Variants in NBAS observed in about 807,000 individuals in gnomAD.
The protein encoded by NBAS is NBAS subunit of NRZ tethering complex.
A neutral mutation model predicts 302.5 loss-of-function variants in NBAS; 219 were observed. The ratio of observed to expected loss-of-function variants is 0.72; its 90% CI spans 0.65 to 0.81. The LOEUF (loss-of-function observed/expected upper bound fraction) is 0.81, where lower values mean the gene tolerates loss of function less well. NBAS is among the 30% of genes least tolerant of loss of function. NBAS has a pLI of 0.00. For missense variants in NBAS, 2,932 were observed against 2,841.6 expected (o/e 1.03, Z -0.72); for synonymous variants, 1,118 against 1,021.6 (o/e 1.09, Z -1.80).
At chr2:15,278,970 A>G (rs1359113847) in intron 42 of NBAS, among the ~76,000 whole-genome samples, 1 of 152,200 alleles carries the variant, frequency 6.6e-6, no homozygotes, top group Non-Finnish European at 1.5e-5. Flanking sequence ...CAGAAAATAT[A>G]CTTGATAATA....
At position 15,498,929 on chromosome 2, in the gene NBAS, CT is replaced by C. The variant is rs374067971; in HGVS notation, c.954+5215del. Reference sequence around the variant, plus strand: ...TAAATTACCCAGTCTCAGGGAGTTACTTTTTTTTTTTTTTTTTTGAGACAGT... The same window carrying C: ...TAAATTACCCAGTCTCAGGGAGTTACTTTTTTTTTTTTTTTTTGAGACAGT... On this transcript the variant is annotated intron_variant, in intron 11 of 51. Coordinates refer to ENST00000281513, the MANE Select transcript of NBAS (RefSeq NM_015909.4). Among the ~76,000 whole-genome samples the C allele has an allele frequency of 5.8e-3, 773 of 133,450 alleles. 6 individuals are homozygous for C. The highest frequency in any genetic ancestry group is 7.5e-3 in the South Asian group (31 of 4,150). 87.5% of individuals were successfully genotyped at this position (133,450 alleles called of 152,430 possible).
At chr2:15,463,133 G>A (rs1022776586) in intron 19 of NBAS, among the ~76,000 whole-genome samples, 113 of 152,084 alleles carry the variant, frequency 7.4e-4, no homozygotes, top group Admixed American at 7.4e-3. Flanking sequence ...AATTAGCTGG[G>A]CATGGTGCCA....
the NBAS span, among the ~76,000 whole-genome samples, chr2:14,911,752 A>G: frequency 6.6e-6 from 1 of 152,232 alleles, no homozygotes; most frequent in Non-Finnish European, 1.5e-5. Flanking sequence ...TAGCCAGACT[A>G]TCTGGCTCAA....
intron 44 of NBAS, among the ~76,000 whole-genome samples, chr2:15,239,145 C>A (rs1333067838): frequency 6.6e-6 from 1 of 151,826 alleles, no homozygotes; most frequent in Non-Finnish European, 1.5e-5. Context: ...AAATTACAGG[C>A]TGGAATATTA....
At chr2:15,016,160 C>T in the NBAS span, among the ~76,000 whole-genome samples, 2 of 152,020 alleles carry the variant, frequency 1.3e-5, no homozygotes, top group Non-Finnish European at 2.9e-5. Context: ...GCTGGGGAGG[C>T]CTCATAATCA....
the NBAS span, among the ~76,000 whole-genome samples, chr2:15,021,880 C>T: frequency 2.0e-5 from 3 of 152,180 alleles, no homozygotes; most frequent in Non-Finnish European, 4.4e-5. Context: ...GTCTAAGTCT[C>T]GGTTTAGTCA....
At chr2:15,371,281 T>C (rs748382071) in intron 31 of NBAS, among the ~76,000 whole-genome samples, 46 of 152,092 alleles carry the variant, frequency 3.0e-4, no homozygotes, top group Non-Finnish European at 5.1e-4. Flanking sequence ...TGTGAGTCAA[T>C]TAAACCTCTT....
chr2:14,854,102 AG>A, the NBAS span, among the ~76,000 whole-genome samples: 1 of 151,400 alleles, frequency 6.6e-6, no homozygotes, highest in Admixed American at 6.6e-5. Flanking sequence ...AAAAAAAAGA[AG>A]AAAATTGAAA....
intron 40 of NBAS, among the ~76,000 whole-genome samples, chr2:15,297,229 C>T (rs1670589641): frequency 6.6e-6 from 1 of 152,140 alleles, no homozygotes; most frequent in Non-Finnish European, 1.5e-5. Flanking sequence ...TGCTATGACT[C>T]CCATGCATAA....
rs113990380 is a variant in NBAS, at chr2:15,474,549, T to TCTTC, written c.1342-226_1342-225insGAAG. Among the ~76,000 whole-genome samples the TCTTC allele has an allele frequency of 6.1e-5, 9 of 147,846 alleles. 1 individual carries two copies. In the South Asian group the frequency reaches 1.3e-3, roughly 22 times the overall value. ...TCAAATCTAAACTAAAGCCTGTTTT[T>TCTTC]TTCTTCTTCTTCTTCTTCTTCTTCT... On this transcript the variant is annotated intron_variant, in intron 14 of 51. Coordinates refer to ENST00000281513, the MANE Select transcript of NBAS (RefSeq NM_015909.4).
chr2:15,409,531 A>G (rs1040039749), intron 25 of NBAS, among the ~76,000 whole-genome samples: 2 of 152,172 alleles, frequency 1.3e-5, no homozygotes, highest in African/African-American at 4.8e-5. Context: ...CAATTCTTTA[A>G]TTGTAGCCAA....
At chr2:15,005,264 C>A in the NBAS span, among the ~76,000 whole-genome samples, 6 of 152,136 alleles carry the variant, frequency 3.9e-5, no homozygotes, top group East Asian at 1.2e-3. Flanking sequence ...AACTGTACAC[C>A]TGTTGACTAG....
At chr2:15,083,214 C>T in the NBAS span, among the ~76,000 whole-genome samples, 7 of 152,208 alleles carry the variant, frequency 4.6e-5, no homozygotes, top group Non-Finnish European at 1.0e-4. Flanking sequence ...TTCAATACCC[C>T]ATTATCCTGG....
chr2:15,345,497 AAG>A (rs1448531158), intron 35 of NBAS, among the ~76,000 whole-genome samples: 1 of 152,222 alleles, frequency 6.6e-6, no homozygotes, highest in East Asian at 1.9e-4. Context: ...TCAAGGAAAT[AAG>A]AGAGGACACA....
intron 21 of NBAS, among the ~76,000 whole-genome samples, chr2:15,438,277 G>A (rs143178837): frequency 6.6e-6 from 1 of 152,110 alleles, no homozygotes; most frequent in Non-Finnish European, 1.5e-5. Context: ...GGTGGAGCTC[G>A]TATTTTGATT....
the NBAS span, among the ~76,000 whole-genome samples, chr2:14,888,595 T>G: frequency 1.1e-4 from 16 of 152,322 alleles, no homozygotes; most frequent in Non-Finnish European, 1.5e-5. Flanking sequence ...TACTATTTTT[T>G]TAATATCAAC....
chr2:15,516,624 G>C (rs921975177), intron 9 of NBAS, among the ~76,000 whole-genome samples: 3 of 151,762 alleles, frequency 2.0e-5, no homozygotes, highest in Non-Finnish European at 4.4e-5. Context: ...TCAGGATACT[G>C]AGGCACCAGA....
At chr2:14,922,083 T>A in the NBAS span, among the ~76,000 whole-genome samples, 3 of 152,206 alleles carry the variant, frequency 2.0e-5, no homozygotes, top group African/African-American at 7.2e-5. Flanking sequence ...CATATTAAAC[T>A]AATAGCACCT....
intron 21 of NBAS, among the ~76,000 whole-genome samples, chr2:15,430,180 C>T (rs1677691597): frequency 1.3e-5 from 2 of 152,096 alleles, no homozygotes; most frequent in Non-Finnish European, 2.9e-5. Context: ...GAACCCTCAG[C>T]AAAATAATAC....
Sources: gnomAD v4.1 joint callset for allele counts (sites outside exome capture counted in the v4.1 genomes callset) on GRCh38, gnomAD v4.1.1 for gene constraint, MANE v1.5 for transcripts, NCBI Gene and HGNC (gene_info 2026-07-23, HGNC 2026-07-21) for gene names.